Variants in FAT3 observed in about 807,000 individuals in gnomAD.
The protein encoded by FAT3 is protocadherin Fat 3.
In FAT3, 95 loss-of-function variants were observed where a neutral mutation model predicts 310.2. The ratio of observed to expected loss-of-function variants is 0.31; its 90% confidence interval spans 0.26 to 0.36. The LOEUF (loss-of-function observed/expected upper bound fraction) is 0.36. FAT3 is among the 10% of genes least tolerant of loss of function. The pLI, the probability that FAT3 is intolerant of heterozygous loss-of-function variation, is 1.00. For synonymous variants in FAT3, 2,314 were observed against 2,192.9 expected (o/e 1.06, Z -1.54); for missense variants, 5,408 against 5,715.6 (o/e 0.95, Z 1.74).
intron 2 of FAT3, among the ~76,000 whole-genome samples, chr11:92,362,447 T>C (rs1352842638): frequency 6.6e-6 from 1 of 152,184 alleles, no homozygotes; most frequent in Non-Finnish European, 1.5e-5. Context: ...CAGTGGGCTC[T>C]TTTGCTGTCT....
At chr11:92,594,055 G>A (rs564711297) in intron 3 of FAT3, among the ~76,000 whole-genome samples, 13 of 152,230 alleles carry the variant, frequency 8.5e-5, no homozygotes, top group African/African-American at 3.1e-4. Flanking sequence ...ATGGTGGGAG[G>A]TGTGGCACCA....
At chr11:92,481,102 T>A (rs1377696377) in intron 2 of FAT3, among the ~76,000 whole-genome samples, 2 of 152,186 alleles carry the variant, frequency 1.3e-5, no homozygotes, top group African/African-American at 4.8e-5. Context: ...GTCAATATAA[T>A]CATTGTGTTA....
chr11:92,679,840 T>TAAAA (rs1235605455), intron 3 of FAT3, among the ~76,000 whole-genome samples: 1 of 24,460 alleles, frequency 4.1e-5, no homozygotes, highest in African/African-American at 1.9e-4. Context: ...AGACTCCATC[T>TAAAA]CAAAAAAAAA....
chr11:92,757,060 A>G (rs1461570933), intron 4 of FAT3, among the ~76,000 whole-genome samples: 1 of 151,466 alleles, frequency 6.6e-6, no homozygotes, highest in Non-Finnish European at 1.5e-5. Context: ...GAGTAGCTGG[A>G]ATTACAAGCA....
chr11:92,606,365 T>C (rs564722), intron 3 of FAT3, among the ~76,000 whole-genome samples: 83,297 of 151,816 alleles, frequency 0.55, 23,927 homozygotes, highest in African/African-American at 0.72. Flanking sequence ...TGAAGGAGAG[T>C]GCAGCATGCA....
intron 2 of FAT3, among the ~76,000 whole-genome samples, chr11:92,435,095 C>T (rs765370361): frequency 6.6e-6 from 1 of 152,144 alleles, no homozygotes. Context: ...ATATCCTCCC[C>T]CTTAATGACC....
At chr11:92,510,212 A>G (rs1296510203) in intron 2 of FAT3, among the ~76,000 whole-genome samples, 2 of 151,902 alleles carry the variant, frequency 1.3e-5, no homozygotes, top group Non-Finnish European at 2.9e-5. Context: ...TCATGTTACA[A>G]CCTCCACGTT....
At chr11:92,694,188 C>A (rs1943873910) in intron 3 of FAT3, among the ~76,000 whole-genome samples, 1 of 152,142 alleles carries the variant, frequency 6.6e-6, no homozygotes, top group Non-Finnish European at 1.5e-5. Flanking sequence ...CAAAAAGAAA[C>A]CTTGTACCCA....
chr11:92,890,452 G>A (rs1166170934), intron 27 of FAT3, 39 bp from the exon 28 acceptor site: 3 of 1,575,798 alleles, frequency 1.9e-6, no homozygotes, highest in East Asian at 4.5e-5. Flanking sequence ...ACCAACTCCA[G>A]TCTAGAGGAA....
intron 3 of FAT3, chr11:92,559,495 C>T: frequency 2.7e-6 from 1 of 373,998 alleles, no homozygotes; most frequent in Admixed American, 2.9e-5. Flanking sequence ...AGGGATACCC[C>T]TGCCTCAGCC....
In FAT3 at chr11:92,767,117, C is replaced by T. The variant is rs574788890; in HGVS notation, c.4195+2028C>T. On this transcript the variant is annotated intron_variant, in intron 6 of 27. Coordinates refer to ENST00000525166, the MANE Select transcript of FAT3 (RefSeq NM_001367949.2). Reference sequence around the variant, plus strand: ...TACAAAAATTAGCTGGGCATGATGGCGGGCGCCTGTAATCCCAGCTACTGG... The same window carrying T: ...TACAAAAATTAGCTGGGCATGATGGTGGGCGCCTGTAATCCCAGCTACTGG... Among the ~76,000 whole-genome samples, 9 of 152,094 alleles carry T rather than the reference C, an allele frequency of 5.9e-5. 1 individual carries two copies. The highest frequency in any genetic ancestry group is 2.2e-4 in the African/African-American group (9 of 41,490).
intron 3 of FAT3, among the ~76,000 whole-genome samples, chr11:92,648,923 A>G (rs1942266868): frequency 6.6e-6 from 1 of 152,186 alleles, no homozygotes; most frequent in South Asian, 2.1e-4. Flanking sequence ...TACTTCCTCC[A>G]GAACTGAACA....
At chr11:92,622,518 A>T (rs1459482822) in intron 3 of FAT3, among the ~76,000 whole-genome samples, 1 of 152,170 alleles carries the variant, frequency 6.6e-6, no homozygotes, top group African/African-American at 2.4e-5. Flanking sequence ...TTGATTGTGA[A>T]TCCATCATTG....
chr11:92,425,891 A>C (rs1246297168), intron 2 of FAT3, among the ~76,000 whole-genome samples: 1 of 152,198 alleles, frequency 6.6e-6, no homozygotes, highest in Non-Finnish European at 1.5e-5. Flanking sequence ...TCCTTTGAGT[A>C]TATACCTAGC....
chr11:92,710,861 G>A (rs1591636438), intron 4 of FAT3, among the ~76,000 whole-genome samples: 3 of 152,328 alleles, frequency 2.0e-5, no homozygotes, highest in South Asian at 2.1e-4. Flanking sequence ...TTCTCATGGT[G>A]TAAAGCAAGT....
chr11:92,858,356 G>A (rs1343665705), intron 20 of FAT3, among the ~76,000 whole-genome samples: 2 of 152,136 alleles, frequency 1.3e-5, no homozygotes, highest in African/African-American at 4.8e-5. Context: ...GGATGGGTAG[G>A]GGGATCATAA....
chr11:92,596,592 G>A (rs1170237511), intron 3 of FAT3, among the ~76,000 whole-genome samples: 1 of 152,164 alleles, frequency 6.6e-6, no homozygotes, highest in East Asian at 1.9e-4. Flanking sequence ...GTGAGAATGA[G>A]CATTTTTCTC....
At chr11:92,270,479 G>C (rs1334410376) in intron 1 of FAT3, among the ~76,000 whole-genome samples, 1 of 151,078 alleles carries the variant, frequency 6.6e-6, no homozygotes, top group Admixed American at 6.6e-5. Context: ...AGGAGTTCAA[G>C]ATCAGTCTGG....
At chr11:92,323,931 C>A (rs1019613883) in intron 1 of FAT3, among the ~76,000 whole-genome samples, 1 of 152,188 alleles carries the variant, frequency 6.6e-6, no homozygotes, top group Non-Finnish European at 1.5e-5. Context: ...GTTGCTTCAG[C>A]GCTTGCTGCC....
Sources: gnomAD v4.1 joint callset for allele counts (sites outside exome capture counted in the v4.1 genomes callset) on GRCh38, gnomAD v4.1.1 for gene constraint, MANE v1.5 for transcripts, NCBI Gene and HGNC (gene_info 2026-07-23, HGNC 2026-07-21) for gene names.